GRM8: variants seen among roughly 807,000 people sequenced by gnomAD.
The protein encoded by GRM8 is metabotropic glutamate receptor 8.
In GRM8, 47 loss-of-function variants were observed where a neutral mutation model predicts 87.2. The observed-to-expected ratio is 0.54, with a 90% CI of 0.43 to 0.69. The LOEUF is 0.69. GRM8 is among the 30% of genes least tolerant of loss of function. GRM8 has a pLI of 0.00. For missense variants in GRM8, 1,019 were observed against 1,139.2 expected (o/e 0.89, Z 1.52); for synonymous variants, 396 against 404.5 (o/e 0.98, Z 0.25).
intron 2 of GRM8, among the ~76,000 whole-genome samples, chr7:127,179,084 C>T (rs914249828): frequency 1.3e-5 from 2 of 152,198 alleles, no homozygotes; most frequent in East Asian, 3.9e-4. Context: ...TGGATAAGAA[C>T]TCACCAATCA....
chr7:126,611,636 C>T (rs1220115904), intron 7 of GRM8, among the ~76,000 whole-genome samples: 1 of 152,144 alleles, frequency 6.6e-6, no homozygotes, highest in Non-Finnish European at 1.5e-5. Context: ...ACTTAATTTT[C>T]TCTACTTAAA....
chr7:126,538,472 A>C (rs1361490609), intron 8 of GRM8, among the ~76,000 whole-genome samples: 1 of 151,848 alleles, frequency 6.6e-6, no homozygotes, highest in Admixed American at 6.6e-5. Flanking sequence ...TCTCTAATAC[A>C]ATGTTTTTCC....
intron 2 of GRM8, among the ~76,000 whole-genome samples, chr7:127,141,520 C>T (rs17865313): frequency 0.013 from 1,974 of 152,192 alleles, 34 homozygotes; most frequent in African/African-American, 0.044. Flanking sequence ...AATACATTAT[C>T]CTTTTTACTC....
At chr7:126,844,340 T>A (rs995041992) in intron 6 of GRM8, among the ~76,000 whole-genome samples, 2 of 152,180 alleles carry the variant, frequency 1.3e-5, no homozygotes, top group African/African-American at 4.8e-5. Flanking sequence ...TCTGTATTTT[T>A]AACAAGCATT....
At chr7:126,979,527 C>T (rs562591863) in intron 3 of GRM8, among the ~76,000 whole-genome samples, 81 of 152,222 alleles carry the variant, frequency 5.3e-4, no homozygotes, top group Admixed American at 1.0e-3. Context: ...GAGCCTAGTC[C>T]GTCTTTTAAT....
intron 2 of GRM8, among the ~76,000 whole-genome samples, chr7:127,121,110 T>G (rs1192434358): frequency 6.6e-6 from 1 of 152,230 alleles, no homozygotes; most frequent in East Asian, 1.9e-4. Flanking sequence ...AGCATTTATA[T>G]GCAGCAGGAT....
At chr7:127,098,812 C>T (rs564396819) in intron 3 of GRM8, among the ~76,000 whole-genome samples, 2 of 152,200 alleles carry the variant, frequency 1.3e-5, no homozygotes, top group African/African-American at 2.4e-5. Flanking sequence ...TTGACAGAAT[C>T]AGGTCTATTC....
intron 7 of GRM8, among the ~76,000 whole-genome samples, chr7:126,630,580 CA>C (rs1801157959): frequency 6.6e-6 from 1 of 151,834 alleles, no homozygotes; most frequent in South Asian, 2.1e-4. Context: ...GATACAACAA[CA>C]AAAAACTTCA....
intron 7 of GRM8, among the ~76,000 whole-genome samples, chr7:126,632,093 C>A (rs879679841): frequency 3.3e-5 from 5 of 152,124 alleles, no homozygotes; most frequent in Admixed American, 3.3e-4. Flanking sequence ...AGCAAACAGA[C>A]AACCCACAGA....
chr7:127,040,738 G>A (rs1478796362), intron 3 of GRM8, among the ~76,000 whole-genome samples: 1 of 152,224 alleles, frequency 6.6e-6, no homozygotes, highest in Non-Finnish European at 1.5e-5. Flanking sequence ...GGTGTTGGGA[G>A]TTTGGTCCCA....
At chr7:127,191,005 G>A (rs1327514759) in intron 2 of GRM8, among the ~76,000 whole-genome samples, 1 of 151,990 alleles carries the variant, frequency 6.6e-6, no homozygotes, top group Admixed American at 6.6e-5. Flanking sequence ...TTTTTACAGA[G>A]GAGAATTAAA....
intron 8 of GRM8, among the ~76,000 whole-genome samples, chr7:126,606,596 A>G (rs1798374008): frequency 6.6e-6 from 1 of 152,144 alleles, no homozygotes; most frequent in Admixed American, 6.5e-5. Flanking sequence ...AAGTCATTTG[A>G]TTTGTCCTGA....
intron 3 of GRM8, among the ~76,000 whole-genome samples, chr7:127,046,570 TA>T (rs753328137): frequency 2.0e-5 from 3 of 152,158 alleles, no homozygotes; most frequent in Non-Finnish European, 4.4e-5. Context: ...TGGTGAGAGA[TA>T]AATAAGTTAA....
intron 7 of GRM8, among the ~76,000 whole-genome samples, chr7:126,757,423 C>T (rs1252452041): frequency 6.6e-6 from 1 of 152,110 alleles, no homozygotes; most frequent in African/African-American, 2.4e-5. Context: ...ATTTACTGCA[C>T]TCTTCTGTAT....
chr7:127,095,098 T>C (rs1050334438), intron 3 of GRM8, among the ~76,000 whole-genome samples: 3 of 152,058 alleles, frequency 2.0e-5, no homozygotes, highest in Non-Finnish European at 2.9e-5. Context: ...TGACAAGGAA[T>C]AGGTAGTATG....
At chr7:127,202,253 C>T (rs1024293979) in intron 2 of GRM8, among the ~76,000 whole-genome samples, 9 of 123,986 alleles carry the variant, frequency 7.3e-5, no homozygotes, top group African/African-American at 2.4e-4. Context: ...CATCTCTGCT[C>T]ACTATGATCT....
intron 6 of GRM8, among the ~76,000 whole-genome samples, chr7:126,821,838 A>G (rs151259150): frequency 1.3e-5 from 2 of 152,302 alleles, no homozygotes; most frequent in Non-Finnish European, 2.9e-5. Flanking sequence ...CAGTTTTTTC[A>G]TAATGTAATT....
In GRM8 at chr7:126,687,966, T is replaced by A. The variant is rs138257535; in HGVS notation, c.1358-78468A>T. Among the ~76,000 whole-genome samples the A allele has an allele frequency of 4.9e-4, 75 of 152,244 alleles. 1 individual carries two copies. The East Asian group carries it at 0.014, about 29-fold the overall frequency. ...TCAAATCACAAGCTCATTTTTTCTA[T>A]TGGGTTGTATTTTTAATACTCATTG... On this transcript the variant is annotated intron_variant, in intron 7 of 10. Transcript: ENST00000339582.
At chr7:126,990,924 TAGAGA>T (rs1374927709) in intron 3 of GRM8, among the ~76,000 whole-genome samples, 1 of 152,206 alleles carries the variant, frequency 6.6e-6, no homozygotes, top group Non-Finnish European at 1.5e-5. Context: ...TTTAGGGTGT[TAGAGA>T]AGTCAATTCT....
Sources: allele counts gnomAD v4.1 joint callset (sites outside exome capture counted in the v4.1 genomes callset), GRCh38; gene constraint gnomAD v4.1.1; transcripts MANE v1.5; gene names NCBI Gene and HGNC (gene_info 2026-07-23, HGNC 2026-07-21).